EPB41L4A: variants seen among roughly 807,000 people sequenced by gnomAD.
EPB41L4A encodes the protein erythrocyte membrane protein band 4.1 like 4A, also known as band 4.1-like protein 4A.
A neutral mutation model predicts 108.6 loss-of-function variants in EPB41L4A; 100 were observed. The observed-to-expected ratio is 0.92, with a 90% confidence interval of 0.78 to 1.09. The LOEUF is 1.09. Ranked by LOEUF, EPB41L4A falls within the 50% of genes least tolerant of loss-of-function variation. The pLI is 0.00. For missense variants in EPB41L4A, 1,030 were observed against 842.7 expected (o/e 1.22, Z -2.75); for synonymous variants, 319 against 289.0 (o/e 1.10, Z -1.05).
At chr5:112,379,429 G>A (rs1760027808) in intron 1 of EPB41L4A, among the ~76,000 whole-genome samples, 1 of 152,056 alleles carries the variant, frequency 6.6e-6, no homozygotes, top group South Asian at 2.1e-4. Flanking sequence ...CTTCCTAAGG[G>A]CAGATTTTGA....
intron 1 of EPB41L4A, among the ~76,000 whole-genome samples, chr5:112,380,859 A>G (rs887792982): frequency 3.3e-5 from 5 of 151,962 alleles, no homozygotes; most frequent in East Asian, 3.9e-4. Flanking sequence ...AGAGCAGCAC[A>G]TATCTCAGTC....
intron 4 of EPB41L4A, among the ~76,000 whole-genome samples, chr5:112,269,751 C>A (rs554296386): frequency 1.3e-5 from 2 of 152,136 alleles, no homozygotes; most frequent in African/African-American, 4.8e-5. Context: ...GGGAAAAATG[C>A]TAACTAAAAA....
At chr5:112,308,111 T>C (rs2150581110) in intron 1 of EPB41L4A, among the ~76,000 whole-genome samples, 1 of 152,256 alleles carries the variant, frequency 6.6e-6, no homozygotes, top group South Asian at 2.1e-4. Flanking sequence ...AAAAAGCTAA[T>C]CTCTTCTCTC....
chr5:112,167,468 T>C (rs1250847286), intron 22 of EPB41L4A, among the ~76,000 whole-genome samples: 1 of 152,162 alleles, frequency 6.6e-6, no homozygotes, highest in Non-Finnish European at 1.5e-5. Context: ...GAGGCATTCA[T>C]TCTCTAGCTG....
chr5:112,322,461 C>T (rs934467281), intron 1 of EPB41L4A, among the ~76,000 whole-genome samples: 5 of 152,120 alleles, frequency 3.3e-5, no homozygotes, highest in Non-Finnish European at 7.4e-5. Context: ...GCTAAAGGAC[C>T]CACCTGGGTA....
chr5:112,399,661 A>G (rs1325298773), intron 1 of EPB41L4A, among the ~76,000 whole-genome samples: 1 of 152,198 alleles, frequency 6.6e-6, no homozygotes, highest in Non-Finnish European at 1.5e-5. Flanking sequence ...GGTAACTGCC[A>G]GCTTAATTTC....
chr5:112,217,957 C>T (rs956071558), intron 12 of EPB41L4A, among the ~76,000 whole-genome samples: 1 of 152,164 alleles, frequency 6.6e-6, no homozygotes, highest in African/African-American at 2.4e-5. Flanking sequence ...ACCCAGTACT[C>T]TCCTGGATCC....
At chr5:112,394,137 T>C (rs970962712) in intron 1 of EPB41L4A, among the ~76,000 whole-genome samples, 3 of 152,190 alleles carry the variant, frequency 2.0e-5, no homozygotes, top group Non-Finnish European at 2.9e-5. Flanking sequence ...AATATCATAC[T>C]GAATGGGCAA....
intron 15 of EPB41L4A, among the ~76,000 whole-genome samples, chr5:112,199,865 G>A (rs1245342170): frequency 6.6e-6 from 1 of 152,014 alleles, no homozygotes; most frequent in East Asian, 1.9e-4. Flanking sequence ...CACCACCTTG[G>A]TCCATGCTCC....
At chr5:112,214,873 T>C (rs1212241773) in intron 12 of EPB41L4A, among the ~76,000 whole-genome samples, 1 of 152,224 alleles carries the variant, frequency 6.6e-6, no homozygotes, top group East Asian at 1.9e-4. Flanking sequence ...AAACAGTTGC[T>C]TTCTGCCTAA....
chr5:112,219,109 A>G (rs1172551099), intron 12 of EPB41L4A, among the ~76,000 whole-genome samples: 1 of 152,158 alleles, frequency 6.6e-6, no homozygotes, highest in Non-Finnish European at 1.5e-5. Context: ...CACCTACAAA[A>G]TTTATCCCTA....
intron 1 of EPB41L4A, among the ~76,000 whole-genome samples, chr5:112,396,839 C>A (rs146774541): frequency 6.6e-6 from 1 of 152,150 alleles, no homozygotes; most frequent in Non-Finnish European, 1.5e-5. Flanking sequence ...TTAGCTTTTA[C>A]CTTCTGAAAG....
At chr5:112,400,900 C>A (rs1561645278) in intron 1 of EPB41L4A, among the ~76,000 whole-genome samples, 1 of 152,306 alleles carries the variant, frequency 6.6e-6, no homozygotes, top group East Asian at 1.9e-4. Context: ...ACTGTTAAAA[C>A]TTCCATGGAA....
At chr5:112,196,130 C>CT (rs1761956131) in intron 15 of EPB41L4A, among the ~76,000 whole-genome samples, 1 of 152,130 alleles carries the variant, frequency 6.6e-6, no homozygotes, top group Non-Finnish European at 1.5e-5. Context: ...ATACTTACGA[C>CT]TTTATCATCT....
chr5:112,195,320 T>C (rs1181102843), intron 16 of EPB41L4A, among the ~76,000 whole-genome samples: 1 of 151,850 alleles, frequency 6.6e-6, no homozygotes, highest in African/African-American at 2.4e-5. Flanking sequence ...CACAGCCTCA[T>C]GAAATCGTGA....
chr5:112,327,288 A>G (rs978605011), intron 1 of EPB41L4A, among the ~76,000 whole-genome samples: 4 of 152,208 alleles, frequency 2.6e-5, no homozygotes, highest in African/African-American at 9.6e-5. Context: ...GACTTCTATA[A>G]AGAAGAAGCT....
At chr5:112,310,510 T>C (rs538272508) in intron 1 of EPB41L4A, among the ~76,000 whole-genome samples, 159 of 152,332 alleles carry the variant, frequency 1.0e-3, no homozygotes, top group Middle Eastern at 6.8e-3. Flanking sequence ...TAATGGCTTG[T>C]GTATGGCCCG....
chr5:112,269,038 T>A (rs1752073077), intron 4 of EPB41L4A, among the ~76,000 whole-genome samples: 2 of 152,052 alleles, frequency 1.3e-5, no homozygotes, highest in South Asian at 4.1e-4. Context: ...AGGAGCCACA[T>A]CACATTAGTA....
At chr5:112,370,396 T>C (rs1419207188) in intron 1 of EPB41L4A, among the ~76,000 whole-genome samples, 1 of 151,960 alleles carries the variant, frequency 6.6e-6, no homozygotes, top group Admixed American at 6.6e-5. Flanking sequence ...TTTAAAGAAA[T>C]TTTTCTTTAA....
Sources: gnomAD v4.1 joint callset for allele counts (sites outside exome capture counted in the v4.1 genomes callset) on GRCh38, gnomAD v4.1.1 for gene constraint, MANE v1.5 for transcripts, NCBI Gene and HGNC (gene_info 2026-07-23, HGNC 2026-07-21) for gene names.